Variants in LRMDA observed in about 807,000 individuals in gnomAD.
LRMDA encodes leucine-rich melanocyte differentiation-associated protein.
Under a neutral mutation model 29.8 loss-of-function variants are expected in LRMDA, and 18 were observed. That is an observed-to-expected ratio of 0.60 (90% CI 0.42 to 0.90). The LOEUF (loss-of-function observed/expected upper bound fraction) is 0.90, where lower values mean the gene tolerates loss of function less well. Ranked by LOEUF, LRMDA falls within the 40% of genes least tolerant of loss-of-function variation. The pLI is 0.00. For missense variants in LRMDA, 273 were observed against 273.9 expected (o/e 1.00, Z 0.02); for synonymous variants, 125 against 109.4 (o/e 1.14, Z -0.89).
intron 5 of LRMDA, among the ~76,000 whole-genome samples, chr10:76,089,915 CAG>C (rs1170678461): frequency 3.3e-5 from 5 of 152,158 alleles, no homozygotes; most frequent in Non-Finnish European, 7.3e-5. Flanking sequence ...ACTGAAATTA[CAG>C]AGTGTAACGT....
At chr10:76,327,801 G>T (rs1840854518) in intron 6 of LRMDA, among the ~76,000 whole-genome samples, 1 of 152,144 alleles carries the variant, frequency 6.6e-6, no homozygotes, top group South Asian at 2.1e-4. Context: ...CCTCAATTCT[G>T]TTGCTTTCAT....
chr10:75,455,543 T>C (rs1221311879), intron 2 of LRMDA, among the ~76,000 whole-genome samples: 1 of 152,206 alleles, frequency 6.6e-6, no homozygotes, highest in Non-Finnish European at 1.5e-5. Context: ...ACATAGCGAC[T>C]CTGTCTACTG....
chr10:75,801,860 G>T (rs1843748634), intron 2 of LRMDA, among the ~76,000 whole-genome samples: 1 of 152,222 alleles, frequency 6.6e-6, no homozygotes, highest in African/African-American at 2.4e-5. Flanking sequence ...AGGCAGTTAT[G>T]ACTGGTAAGA....
intron 5 of LRMDA, among the ~76,000 whole-genome samples, chr10:76,252,276 A>G (rs73286979): frequency 0.034 from 5,170 of 152,228 alleles, 222 homozygotes; most frequent in African/African-American, 0.096. Context: ...AATTCACCAC[A>G]AATGTGTCAC....
intron 5 of LRMDA, among the ~76,000 whole-genome samples, chr10:76,105,905 C>A (rs1849472867): frequency 6.6e-6 from 1 of 152,110 alleles, no homozygotes. Flanking sequence ...TGCCACCATG[C>A]CCGGCTAATT....
At chr10:75,994,382 C>T (rs1589280576) in intron 2 of LRMDA, among the ~76,000 whole-genome samples, 1 of 152,158 alleles carries the variant, frequency 6.6e-6, no homozygotes, top group African/African-American at 2.4e-5. Flanking sequence ...CCTTCTGCAC[C>T]CTAGGATTGT....
chr10:75,915,289 T>G (rs1022486520), intron 2 of LRMDA, among the ~76,000 whole-genome samples: 3 of 151,114 alleles, frequency 2.0e-5, no homozygotes, highest in Admixed American at 6.6e-5. Flanking sequence ...GCACCTGCCA[T>G]CATGCCCAGC....
At chr10:75,796,967 G>A (rs1224813274) in intron 2 of LRMDA, among the ~76,000 whole-genome samples, 1 of 152,106 alleles carries the variant, frequency 6.6e-6, no homozygotes, top group Non-Finnish European at 1.5e-5. Flanking sequence ...TAGGGATAAG[G>A]GTTATCTACT....
intron 2 of LRMDA, among the ~76,000 whole-genome samples, chr10:75,474,484 C>A (rs1161074544): frequency 6.6e-6 from 1 of 152,098 alleles, no homozygotes; most frequent in Admixed American, 6.6e-5. Flanking sequence ...GAGACTCTGC[C>A]CCTATGACCT....
At chr10:76,000,529 A>G (rs1172013610) in intron 2 of LRMDA, among the ~76,000 whole-genome samples, 1 of 152,194 alleles carries the variant, frequency 6.6e-6, no homozygotes, top group African/African-American at 2.4e-5. Context: ...CCAAATCCAG[A>G]TGCCTGTTTT....
At chr10:76,225,953 G>A (rs932706795) in intron 5 of LRMDA, among the ~76,000 whole-genome samples, 16 of 134,180 alleles carry the variant, frequency 1.2e-4, no homozygotes, top group East Asian at 2.2e-4. Context: ...TTCAATTCCC[G>A]CCTACGAATG....
chr10:76,007,323 G>A (rs2132475642), intron 2 of LRMDA, among the ~76,000 whole-genome samples: 1 of 151,892 alleles, frequency 6.6e-6, no homozygotes, highest in South Asian at 2.1e-4. Context: ...ACGAATGGGA[G>A]GGAAGCAGAC....
intron 2 of LRMDA, among the ~76,000 whole-genome samples, chr10:75,521,413 T>G (rs1845355926): frequency 6.6e-6 from 1 of 152,228 alleles, no homozygotes; most frequent in Non-Finnish European, 1.5e-5. Flanking sequence ...GCCTCAGCAA[T>G]GGCAGACGCC....
At chr10:76,332,320 A>G (rs1840914209) in intron 6 of LRMDA, among the ~76,000 whole-genome samples, 1 of 152,208 alleles carries the variant, frequency 6.6e-6, no homozygotes, top group Non-Finnish European at 1.5e-5. Flanking sequence ...TCCTTTAAAC[A>G]TTTGAAATCC....
intron 2 of LRMDA, among the ~76,000 whole-genome samples, chr10:75,561,403 C>T (rs1261432551): frequency 1.1e-4 from 17 of 150,880 alleles, no homozygotes; most frequent in African/African-American, 3.9e-4. Context: ...TTTTTTATTG[C>T]GTCTATTTGA....
chr10:75,488,293 T>C (rs1436151993), intron 2 of LRMDA, among the ~76,000 whole-genome samples: 1 of 152,192 alleles, frequency 6.6e-6, no homozygotes, highest in Non-Finnish European at 1.5e-5. Context: ...TTCCTTTCTT[T>C]TCCCCACCTT....
In LRMDA at chr10:75,806,820, A is replaced by AG. The variant is rs922100156; in HGVS notation, c.132-229188_132-229187insG. 1.8e-4 allele frequency among the ~76,000 whole-genome samples: 23 copies of AG among 127,194 alleles called. 1 individual carries two copies. The South Asian group carries it at 6.0e-3, about 33-fold the overall frequency. The allele number at this position is 127,194 out of a possible 152,430, so 83.4% of individuals were successfully genotyped here. A position where few individuals can be genotyped will look rare whatever the true frequency, so the allele number is the denominator to read the frequency against. ...AACACTGGAAATTGCAAAAAAAAAAAAAAAAAACCACACACAAAAAAACCT... is the reference window on the plus strand; with the variant it reads ...AACACTGGAAATTGCAAAAAAAAAAAGAAAAAAACCACACACAAAAAAACCT... On this transcript the variant is annotated intron_variant, in intron 2 of 6. Coordinates refer to ENST00000611255, the MANE Select transcript of LRMDA (RefSeq NM_001305581.2).
At chr10:76,076,367 A>AAG (rs1554845202) in intron 5 of LRMDA, among the ~76,000 whole-genome samples, 6 of 151,338 alleles carry the variant, frequency 4.0e-5, no homozygotes, top group African/African-American at 1.2e-4. Context: ...AAAAAAAAAA[A>AAG]AGACTTAACA....
intron 5 of LRMDA, among the ~76,000 whole-genome samples, chr10:76,296,549 C>G (rs1232817916): frequency 1.3e-5 from 2 of 152,132 alleles, no homozygotes; most frequent in Non-Finnish European, 2.9e-5. Flanking sequence ...TCAGCCTCTT[C>G]CTTTATTGAG....
Sources: gnomAD v4.1 joint callset for allele counts (sites outside exome capture counted in the v4.1 genomes callset) on GRCh38, gnomAD v4.1.1 for gene constraint, MANE v1.5 for transcripts, NCBI Gene and HGNC (gene_info 2026-07-23, HGNC 2026-07-21) for gene names.